Variants in UBAC1 observed in about 807,000 individuals in gnomAD.
The protein encoded by UBAC1 is UBA domain containing 1.
A neutral mutation model predicts 45.9 loss-of-function variants in UBAC1; 27 were observed. That is an observed-to-expected ratio of 0.59 (90% CI 0.43 to 0.81). UBAC1 has a LOEUF of 0.81. Ranked by LOEUF, UBAC1 falls within the 30% of genes least tolerant of loss-of-function variation. The probability of loss-of-function intolerance (pLI) is 0.00; values close to 1 mark genes in which losing one functional copy is unlikely to be tolerated. For synonymous variants in UBAC1, 227 were observed against 215.5 expected (o/e 1.05, Z -0.47); for missense variants, 529 against 539.2 (o/e 0.98, Z 0.19).
At chr9:135,960,162 A>G (rs1177472443) in intron 1 of UBAC1, among the ~76,000 whole-genome samples, 1 of 152,200 alleles carries the variant, frequency 6.6e-6, no homozygotes, top group Non-Finnish European at 1.5e-5. Flanking sequence ...CCTTCAACCT[A>G]AATTCTGCCA....
rs1168017095 is a variant in UBAC1, at chr9:135,961,238, C to T, written c.-76G>A. Reference sequence around the variant, plus strand: ...ACCGGGAAGGCGGGCGGGGAGGGGGCGGGGCCAGACCGCCCGCGCGCTCCT... The same window carrying T: ...ACCGGGAAGGCGGGCGGGGAGGGGGTGGGGCCAGACCGCCCGCGCGCTCCT... On this transcript the variant is annotated 5_prime_UTR_variant, in exon 1 of 10. Coordinates refer to ENST00000371756, the MANE Select transcript of UBAC1 (RefSeq NM_016172.3). 6.2e-5 allele frequency: 80 copies of T among 1,299,142 alleles called. No individual in the cohort carries two copies. The highest frequency in any genetic ancestry group is 7.6e-5 in the Non-Finnish European group (78 of 1,020,962). The allele number at this position is 1,299,142 out of a possible 1,614,324, so 80.5% of individuals were successfully genotyped here.
At chr9:135,955,546 G>A in intron 1 of UBAC1, 131 bp from the exon 2 acceptor site, 1 of 1,012,910 alleles carries the variant, frequency 9.9e-7, no homozygotes, top group Non-Finnish European at 1.4e-6. Flanking sequence ...CACCATGGAT[G>A]AAATTAAAGA....
intron 1 of UBAC1, among the ~76,000 whole-genome samples, chr9:135,955,678 C>T (rs1317983264): frequency 6.6e-6 from 1 of 152,198 alleles, no homozygotes; most frequent in African/African-American, 2.4e-5. Flanking sequence ...TGACAATTCG[C>T]GGCCACCAGA....
intron 9 of UBAC1, 74 bp downstream of exon 9, chr9:135,938,148 A>G (rs563206630): frequency 2.0e-5 from 32 of 1,572,560 alleles, no homozygotes; most frequent in African/African-American, 6.7e-5. Flanking sequence ...TCGCCTCCGC[A>G]GCACCTATTT....
chr9:135,935,753 G>A (rs1036689474), intron 9 of UBAC1, among the ~76,000 whole-genome samples: 20 of 152,186 alleles, frequency 1.3e-4, no homozygotes, highest in African/African-American at 4.1e-4. Context: ...GTGGCCAGGC[G>A]CAGTAGCTCA....
intron 9 of UBAC1, among the ~76,000 whole-genome samples, chr9:135,935,426 G>A (rs985466836): frequency 1.3e-5 from 2 of 152,114 alleles, no homozygotes; most frequent in African/African-American, 2.4e-5. Context: ...TGGGGGGAGC[G>A]CTTGAAGCCA....
intron 3 of UBAC1, among the ~76,000 whole-genome samples, chr9:135,953,100 G>T (rs1365746501): frequency 6.6e-6 from 1 of 152,158 alleles, no homozygotes; most frequent in African/African-American, 2.4e-5. Context: ...CGTCACGCAG[G>T]ATGTGTCCCT....
intron 4 of UBAC1, among the ~76,000 whole-genome samples, chr9:135,947,281 C>T (rs1340195654): frequency 1.3e-5 from 2 of 151,726 alleles, no homozygotes; most frequent in Non-Finnish European, 2.9e-5. Context: ...GACGGAGTTT[C>T]GCTCTTGCTG....
At position 135,960,973 on chromosome 9, in the gene UBAC1, T is replaced by C. The variant is rs1262557210; in HGVS notation, c.138+52A>G. 1.3e-5 allele frequency: 19 copies of C among 1,420,114 alleles called. No individual in the cohort carries two copies. The East Asian group carries it at 4.8e-4, about 36-fold the overall frequency. The allele number at this position is 1,420,114 out of a possible 1,614,324, so 88.0% of individuals were successfully genotyped here. On this transcript the variant is annotated intron_variant, in intron 1 of 9. Transcript: ENST00000371756. ...TCGGGGACTGAGGCGGGGTCCGCAG[T>C]CGGAGGGGTCCGGAGCGGGTGTTGG...
chr9:135,938,211 G>T lies in UBAC1; in HGVS notation c.1102+11C>A, dbSNP rs1207492291. The T allele has an allele frequency of 6.2e-7, 1 of 1,613,008 alleles. No homozygotes were observed. The highest frequency in any genetic ancestry group is 1.1e-5 in the South Asian group (1 of 91,022). The stretch of plus-strand genomic sequence containing the variant: ...CCGACCCGAGACTTAGCATAAAGAA[G>T]GCGCACATACCTAGCAATGTTTTCG... On this transcript the variant is annotated intron_variant, in intron 9 of 9. Transcript: ENST00000371756.
At chr9:135,953,852 G>T in intron 2 of UBAC1, 99 bp from the exon 3 acceptor site, 2 of 1,049,434 alleles carry the variant, frequency 1.9e-6, no homozygotes, top group Non-Finnish European at 1.4e-6. Flanking sequence ...GAACAGCAGG[G>T]ATTCGGCCGG....
rs1210661917 is a variant in UBAC1, at chr9:135,961,096, C to T, written c.67G>A (p.Gly23Ser). The change falls in exon 1 of 10, where the codon GGC becomes AGC. Residue 23 changes from glycine (G) to serine (S), a missense_variant. Physicochemically the swap from Gly to Ser is moderately conservative, Grantham distance 56. Coordinates refer to ENST00000371756, the MANE Select transcript of UBAC1 (RefSeq NM_016172.3). ...GTGGCCTCCTCCAGCCACTCGGCGC[C>T]GTCGGACGCGCAGATGTGCAGCCGC... is the stretch of plus-strand genomic sequence containing the variant. Reference protein sequence around the residue: ...VLRLHICASDGAEWLEEATED... With the variant: ...VLRLHICASDSAEWLEEATED... The T allele has an allele frequency of 3.2e-6, 5 of 1,586,988 alleles. No homozygotes were observed. The highest frequency in any genetic ancestry group is 1.4e-5 in the African/African-American group (1 of 72,382).
Position 135,961,144 on chromosome 9 carries a change from T to C in UBAC1, c.19A>G (p.Lys7Glu), listed in dbSNP as rs1371469710. Reference protein sequence around the residue: MFVQEEKIFAGKVLRLH... With the variant: MFVQEEEIFAGKVLRLH... The stretch of plus-strand genomic sequence containing the variant: ...CGCAGCACCTTGCCCGCGAAGATCT[T>C]CTCCTCCTGCACGAACATCCCGCCG... Residue 7 changes from lysine to glutamate, a missense_variant, in exon 1 of 10, where the codon AAG becomes GAG. By Grantham distance (56) the Lys-to-Glu change is moderately conservative. Transcript: ENST00000371756. 45 of 1,579,330 alleles carry C rather than the reference T, an allele frequency of 2.8e-5. No individual in the cohort carries two copies. Among genetic ancestry groups the C allele is most frequent in the Non-Finnish European group, 2.2e-5 (26 of 1,169,140 alleles).
intron 4 of UBAC1, 60 bp downstream of exon 4, chr9:135,947,738 C>G (rs543594006): frequency 1.3e-5 from 18 of 1,436,444 alleles, no homozygotes; most frequent in Middle Eastern, 1.9e-4. Flanking sequence ...GGAACCCCCC[C>G]ACAGCAATCC....
intron 9 of UBAC1, among the ~76,000 whole-genome samples, chr9:135,937,410 C>T (rs1219955748): frequency 1.4e-5 from 2 of 138,260 alleles, no homozygotes; most frequent in East Asian, 2.1e-4. Context: ...CATTGCACTC[C>T]AGCCTGGGTG....
rs559563879 is a variant in UBAC1 at position 135,944,327 on chromosome 9, G to A, written c.876+701C>T. ...CCACATGGAACTCCATGGAAAACAC[G>A]AGCTCCGCAGGTGAGGCCACAGCAC... On this transcript the variant is annotated intron_variant, in intron 7 of 9. Coordinates refer to ENST00000371756, the MANE Select transcript of UBAC1 (RefSeq NM_016172.3). Among the ~76,000 whole-genome samples the A allele has an allele frequency of 1.4e-4, 22 of 152,218 alleles. 1 individual carries two copies. Among genetic ancestry groups the A allele is most frequent in the Admixed American group, 2.6e-4 (4 of 15,302 alleles).
At chr9:135,934,790 T>G (rs544927794) in intron 9 of UBAC1, among the ~76,000 whole-genome samples, 12 of 152,324 alleles carry the variant, frequency 7.9e-5, no homozygotes, top group Non-Finnish European at 1.5e-4. Context: ...AAATAAATTC[T>G]GGAAGGATGA....
At chr9:135,941,767 G>A (rs1408176067) in intron 7 of UBAC1, among the ~76,000 whole-genome samples, 1 of 152,216 alleles carries the variant, frequency 6.6e-6, no homozygotes, top group Non-Finnish European at 1.5e-5. Flanking sequence ...GTCGGGCCCT[G>A]CCAGCTCTGC....
intron 7 of UBAC1, among the ~76,000 whole-genome samples, chr9:135,944,694 G>A (rs1042434191): frequency 4.6e-5 from 7 of 152,232 alleles, no homozygotes; most frequent in Non-Finnish European, 1.0e-4. Context: ...GAACAGGGGG[G>A]GCTTGTGGAT....
Sources: gnomAD v4.1 joint callset for allele counts (sites outside exome capture counted in the v4.1 genomes callset) on GRCh38, gnomAD v4.1.1 for gene constraint, MANE v1.5 for transcripts, NCBI Gene and HGNC (gene_info 2026-07-23, HGNC 2026-07-21) for gene names.